Variants in INSR observed in about 807,000 individuals in gnomAD.
The protein encoded by INSR is insulin receptor, also known as IR.
A neutral mutation model predicts 142.6 loss-of-function variants in INSR; 67 were observed. The observed-to-expected ratio is 0.47, with a 90% CI of 0.39 to 0.58. The LOEUF is 0.58. INSR is among the 20% of genes least tolerant of loss of function. INSR has a pLI of 0.00. For missense variants in INSR, 1,248 were observed against 1,833.2 expected (o/e 0.68, Z 5.83); for synonymous variants, 756 against 743.1 (o/e 1.02, Z -0.28).
In INSR at chr19:7,129,815, G is replaced by A. The variant is rs551416662; in HGVS notation, c.2843-861C>T. Reference sequence around the variant, plus strand: ...TACAGTGGCACAATCACAGTTCACCGCAACCTCAAATTCCTGGGCCCAAGT... The same window carrying A: ...TACAGTGGCACAATCACAGTTCACCACAACCTCAAATTCCTGGGCCCAAGT... On this transcript the variant is annotated intron_variant, in intron 14 of 21. Coordinates refer to ENST00000302850, the MANE Select transcript of INSR (RefSeq NM_000208.4). Among the ~76,000 whole-genome samples the A allele has an allele frequency of 2.0e-3, 309 of 152,000 alleles. 4 individuals carry two copies. The highest frequency in any genetic ancestry group is 3.4e-3 in the Middle Eastern group (1 of 292).
Position 7,112,523 on chromosome 19 carries a change from G to A in INSR, c.*4533C>T, listed in dbSNP as rs563853398. ...ACCCAGGCACACAAAGGGACGAGGA[G>A]AAGCAACTTTCAGGCAAAGTGTAAA... On this transcript the variant is annotated 3_prime_UTR_variant, in exon 22 of 22. Transcript: ENST00000302850. 4.6e-5 allele frequency: 7 copies of A among 152,214 alleles called. No homozygotes were observed. Among genetic ancestry groups the A allele is most frequent in the Non-Finnish European group, 1.0e-4 (7 of 68,044 alleles). 9.4% of individuals were successfully genotyped at this position (152,214 alleles called of 1,614,324 possible). A position where few individuals can be genotyped will look rare whatever the true frequency, so the allele number is the denominator to read the frequency against.
chr19:7,285,208 T>G (rs1310785610), intron 1 of INSR, among the ~76,000 whole-genome samples: 1 of 151,934 alleles, frequency 6.6e-6, no homozygotes, highest in Non-Finnish European at 1.5e-5. Flanking sequence ...CCCAGCACTT[T>G]GGGAGGCTGA....
At chr19:7,179,871 G>A (rs901872038) in intron 3 of INSR, among the ~76,000 whole-genome samples, 2 of 152,176 alleles carry the variant, frequency 1.3e-5, no homozygotes, top group Non-Finnish European at 2.9e-5. Flanking sequence ...TGGAGTCTAT[G>A]TTCCCACCTG....
chr19:7,182,864 C>A (rs1373182918), intron 3 of INSR, among the ~76,000 whole-genome samples: 1 of 91,644 alleles, frequency 1.1e-5, no homozygotes, highest in Admixed American at 1.3e-4. Flanking sequence ...AGAAATGAAT[C>A]AAAAGGAATA....
chr19:7,139,301 G>C (rs1042656887), intron 13 of INSR, among the ~76,000 whole-genome samples: 2 of 152,184 alleles, frequency 1.3e-5, no homozygotes, highest in Admixed American at 6.5e-5. Flanking sequence ...AGTTTGTTAC[G>C]CAGCAAGAAC....
At chr19:7,212,221 G>C (rs1975297102) in intron 2 of INSR, among the ~76,000 whole-genome samples, 1 of 152,088 alleles carries the variant, frequency 6.6e-6, no homozygotes, top group Non-Finnish European at 1.5e-5. Context: ...ACTCTTGCCA[G>C]AGCCAGAGGG....
intron 2 of INSR, among the ~76,000 whole-genome samples, chr19:7,207,760 A>G (rs1475565316): frequency 6.6e-6 from 1 of 152,050 alleles, no homozygotes; most frequent in Non-Finnish European, 1.5e-5. Flanking sequence ...CATCTCTACA[A>G]ACAAGTTTAA....
chr19:7,125,162 T>G lies in INSR; in HGVS notation c.3258+121A>C. The G allele has an allele frequency of 4.2e-6, 5 of 1,179,520 alleles. No individual in the cohort carries two copies. The highest frequency in any genetic ancestry group is 6.2e-6 in the Non-Finnish European group (5 of 809,722). The allele number at this position is 1,179,520 out of a possible 1,614,324, so 73.1% of individuals were successfully genotyped here. A position where few individuals can be genotyped will look rare whatever the true frequency, so the allele number is the denominator to read the frequency against. ...CACACCTCTAGGATGGGAAGCTTAG[T>G]GGAGTGAGGGGTGGGTAGGAGGTTA... On this transcript the variant is annotated intron_variant, in intron 17 of 21. Coordinates refer to ENST00000302850, the MANE Select transcript of INSR (RefSeq NM_000208.4). The surrounding 1 kb of genome is among the most constrained non-coding windows in gnomAD (Gnocchi z 4.9).
chr19:7,288,181 G>A lies in INSR; in HGVS notation c.100+5611C>T, dbSNP rs1968392945. Among the ~76,000 whole-genome samples, 4 of 149,870 alleles carry A rather than the reference G, an allele frequency of 2.7e-5. No individual in the cohort carries two copies. The Admixed American group carries it at 2.7e-4, about 10-fold the overall frequency. ...AAGACCAGCCTAGGCAACATAGCAAGACCCTGTTTCTACAAAAAAAAAAAA... is the reference window on the plus strand; with the variant it reads ...AAGACCAGCCTAGGCAACATAGCAAAACCCTGTTTCTACAAAAAAAAAAAA... On this transcript the variant is annotated intron_variant, in intron 1 of 21. Coordinates refer to ENST00000302850, the MANE Select transcript of INSR (RefSeq NM_000208.4).
At chr19:7,195,955 G>A (rs1320368491) in intron 2 of INSR, among the ~76,000 whole-genome samples, 1 of 145,914 alleles carries the variant, frequency 6.9e-6, no homozygotes, top group South Asian at 2.1e-4. Context: ...TTTTGTTTGA[G>A]ACGGAGTTTC....
intron 10 of INSR, among the ~76,000 whole-genome samples, chr19:7,151,162 CTCTTTCTTTCTT>C (rs1218566297): frequency 0.027 from 1,243 of 45,874 alleles, 24 homozygotes; most frequent in East Asian, 0.16. Flanking sequence ...TTCTTTCTTT[CTCTTTCTTTCTT>C]TCTTTCTTTC....
At chr19:7,156,052 CTTTTTTTTTTTTTT>C (rs147889782) in intron 9 of INSR, among the ~76,000 whole-genome samples, 2 of 67,346 alleles carry the variant, frequency 3.0e-5, no homozygotes, top group African/African-American at 1.3e-4. Context: ...ATATGGAATT[CTTTTTTTTTTTTTT>C]TTTTTTTTTT....
At chr19:7,253,244 A>T (rs10403019) in intron 2 of INSR, among the ~76,000 whole-genome samples, 57,413 of 151,378 alleles carry the variant, frequency 0.38, 11,736 homozygotes, top group African/African-American at 0.51. Context: ...TTATTTATTT[A>T]TTTAATTATT....
chr19:7,118,890 G>C (rs1486317008), intron 21 of INSR, among the ~76,000 whole-genome samples: 3 of 139,032 alleles, frequency 2.2e-5, no homozygotes, highest in Non-Finnish European at 4.5e-5. Flanking sequence ...ACTCCAGCCT[G>C]GGTGACAGAG....
rs555572270 is a variant in INSR, at chr19:7,112,463, T to C, written c.*4593A>G. On this transcript the variant is annotated 3_prime_UTR_variant, in exon 22 of 22. Coordinates refer to ENST00000302850, the MANE Select transcript of INSR (RefSeq NM_000208.4). ...GTTTTCTGCAAAAGCTGCAGCACATTTGATCCTGCGTTGCCAACGCACAGG... is the reference window on the plus strand; with the variant it reads ...GTTTTCTGCAAAAGCTGCAGCACATCTGATCCTGCGTTGCCAACGCACAGG... 6.6e-5 allele frequency: 10 copies of C among 152,334 alleles called. No homozygotes were observed. The highest frequency in any genetic ancestry group is 2.4e-4 in the African/African-American group (10 of 41,566). 9.4% of individuals were successfully genotyped at this position (152,334 alleles called of 1,614,324 possible). A position where few individuals can be genotyped will look rare whatever the true frequency, so the allele number is the denominator to read the frequency against.
rs562499327 is a variant in INSR, at chr19:7,168,824, G to A, written c.1484-730C>T. 2.6e-5 allele frequency among the ~76,000 whole-genome samples: 4 copies of A among 151,640 alleles called. No homozygotes were observed. The highest frequency in any genetic ancestry group is 5.9e-5 in the Non-Finnish European group (4 of 67,956). On this transcript the variant is annotated intron_variant, in intron 6 of 21. Coordinates refer to ENST00000302850, the MANE Select transcript of INSR (RefSeq NM_000208.4). The surrounding 1 kb of genome is among the most constrained non-coding windows in gnomAD (Gnocchi z 4.3). Reference sequence around the variant, plus strand: ...TCACCACATTGGCCAGGCTGGTCTCGAACTCCTGACCTCAAGTGATCTGCC... The same window carrying A: ...TCACCACATTGGCCAGGCTGGTCTCAAACTCCTGACCTCAAGTGATCTGCC...
rs1568449041 is a variant in INSR at position 7,153,028 on chromosome 19, A to ACACACCCCCC, written c.2030-102_2030-101insGGGGGGTGTG. ...CACACACACACCACACACACACACC[A>ACACACCCCCC]CACACACACACACCACACACCCCCC... On this transcript the variant is annotated intron_variant, in intron 9 of 21. Transcript: ENST00000302850. The ACACACCCCCC allele has an allele frequency of 4.5e-6, 2 of 441,508 alleles. 1 individual carries two copies. The highest frequency in any genetic ancestry group is 1.4e-4 in the African/African-American group (2 of 14,524). 27.3% of individuals were successfully genotyped at this position (441,508 alleles called of 1,614,324 possible). A position where few individuals can be genotyped will look rare whatever the true frequency, so the allele number is the denominator to read the frequency against.
rs544933418 is a variant in INSR, at chr19:7,294,352, C to G, written c.-461G>C. Among the ~76,000 whole-genome samples, 6 of 151,612 alleles carry G rather than the reference C, an allele frequency of 4.0e-5. No individual in the cohort carries two copies. The highest frequency in any genetic ancestry group is 3.9e-4 in the East Asian group (2 of 5,104). ...GGCGGGAGAGAGGGCTGCTCGGGCC[C>G]GTAAACAACGCGGCCCGTCAGCTGG... On this transcript the variant is annotated 5_prime_UTR_variant, in exon 1 of 22. Transcript: ENST00000302850.
chr19:7,249,038 C>A lies in INSR; in HGVS notation c.652+18307G>T, dbSNP rs949765104. Among the ~76,000 whole-genome samples the A allele has an allele frequency of 2.6e-5, 4 of 152,214 alleles. No homozygotes were observed. In the East Asian group the frequency reaches 7.7e-4, roughly 29 times the overall value. On this transcript the variant is annotated intron_variant, in intron 2 of 21. Transcript: ENST00000302850. The stretch of plus-strand genomic sequence containing the variant: ...CCTCCCAAAATGCTGGGATTACAGG[C>A]GTGAGTTACTGCGCCCATGTCCCCC...
Sources: gnomAD v4.1 joint callset for allele counts (sites outside exome capture counted in the v4.1 genomes callset) on GRCh38, gnomAD v4.1.1 for gene constraint, Gnocchi (gnomAD v3.1) non-coding constraint, MANE v1.5 for transcripts, NCBI Gene and HGNC (gene_info 2026-07-23, HGNC 2026-07-21) for gene names.